MPDZ: variants seen among roughly 807,000 people sequenced by gnomAD.
MPDZ encodes the protein multiple PDZ domain protein.
MPDZ carries 234 observed loss-of-function variants against 239.1 expected under a neutral mutation model. That is an observed-to-expected ratio of 0.98 (90% CI 0.88 to 1.09). MPDZ has a LOEUF of 1.09. MPDZ is among the 50% of genes least tolerant of loss of function. The pLI, the probability that MPDZ is intolerant of heterozygous loss-of-function variation, is 0.00. For synonymous variants in MPDZ, 1,048 were observed against 881.3 expected (o/e 1.19, Z -3.35); for missense variants, 3,175 against 2,510.0 (o/e 1.26, Z -5.66).
At chr9:13,163,948 GAC>G (rs1400327588) in intron 22 of MPDZ, among the ~76,000 whole-genome samples, 10 of 152,154 alleles carry the variant, frequency 6.6e-5, no homozygotes, top group Admixed American at 6.6e-4. Flanking sequence ...GGAGTCGGAA[GAC>G]ACAGTTCTGC....
At chr9:13,170,697 A>G (rs191081101) in intron 21 of MPDZ, among the ~76,000 whole-genome samples, 1 of 152,316 alleles carries the variant, frequency 6.6e-6, no homozygotes, top group Non-Finnish European at 1.5e-5. Context: ...CAAGACACAG[A>G]CATGGAACCT....
At chr9:13,237,144 C>T (rs7047484) in intron 3 of MPDZ, among the ~76,000 whole-genome samples, 148,032 of 152,122 alleles carry the variant, frequency 0.97, 72,140 homozygotes, top group Middle Eastern at 1. Flanking sequence ...ATATTCCATG[C>T]TTCAAAATGG....
At chr9:13,271,014 C>A (rs1425099440) in intron 1 of MPDZ, among the ~76,000 whole-genome samples, 2 of 152,142 alleles carry the variant, frequency 1.3e-5, no homozygotes, top group African/African-American at 4.8e-5. Context: ...GGGTTCAATA[C>A]TGAAACTACT....
chr9:13,201,808 A>T (rs1180730307), intron 12 of MPDZ, among the ~76,000 whole-genome samples: 1 of 152,138 alleles, frequency 6.6e-6, no homozygotes, highest in African/African-American at 2.4e-5. Context: ...AGATAAAAAT[A>T]AAAGATACAG....
intron 2 of MPDZ, among the ~76,000 whole-genome samples, chr9:13,249,385 T>C (rs1242708744): frequency 6.6e-6 from 1 of 152,184 alleles, no homozygotes; most frequent in Non-Finnish European, 1.5e-5. Context: ...CTTTCCTATG[T>C]GGACTAGTAG....
At chr9:13,230,757 G>C (rs1962177900) in intron 3 of MPDZ, among the ~76,000 whole-genome samples, 2 of 151,932 alleles carry the variant, frequency 1.3e-5, no homozygotes, top group Admixed American at 1.3e-4. Flanking sequence ...CAGAGGGAGA[G>C]GAGGGAAACG....
intron 1 of MPDZ, among the ~76,000 whole-genome samples, chr9:13,251,209 G>A (rs1967922063): frequency 6.6e-6 from 1 of 151,438 alleles, no homozygotes; most frequent in Admixed American, 6.6e-5. Flanking sequence ...TGAACCACTG[G>A]AAGATAATAC....
chr9:13,225,817 T>C (rs1251858035), intron 3 of MPDZ, among the ~76,000 whole-genome samples: 8 of 152,062 alleles, frequency 5.3e-5, no homozygotes, highest in Non-Finnish European at 1.0e-4. Context: ...TCTATACATA[T>C]TGTCACACAT....
chr9:13,271,946 A>G (rs1001100312), intron 1 of MPDZ, among the ~76,000 whole-genome samples: 1 of 152,138 alleles, frequency 6.6e-6, no homozygotes, highest in Non-Finnish European at 1.5e-5. Flanking sequence ...AAACTAATCT[A>G]CAGTGACATA....
Position 13,190,318 on chromosome 9 carries a change from C to A in MPDZ, c.1969-19G>T. 1 of 1,496,492 alleles carries A rather than the reference C, an allele frequency of 6.7e-7. No homozygotes were observed. Among genetic ancestry groups the A allele is most frequent in the South Asian group, 1.5e-5 (1 of 67,898 alleles). 92.7% of individuals were successfully genotyped at this position (1,496,492 alleles called of 1,614,324 possible). A position where few individuals can be genotyped will look rare whatever the true frequency, so the allele number is the denominator to read the frequency against. ...CGTGAGGCTGGATAATATCAGACAG[C>A]TCTTATTTCAGAGGCATTGCATTAG... On this transcript the variant is annotated intron_variant, in intron 15 of 46. Transcript: ENST00000319217.
intron 27 of MPDZ, among the ~76,000 whole-genome samples, chr9:13,140,522 G>T (rs1947515977): frequency 6.7e-6 from 1 of 149,718 alleles, no homozygotes; most frequent in Admixed American, 6.7e-5. Context: ...TAGATAGATA[G>T]ATATGAAATA....
At chr9:13,199,052 C>T (rs1435900556) in intron 12 of MPDZ, among the ~76,000 whole-genome samples, 3 of 151,206 alleles carry the variant, frequency 2.0e-5, no homozygotes, top group Non-Finnish European at 2.9e-5. Context: ...TGAAGAATGC[C>T]ATTGGTATAT....
At chr9:13,194,954 A>G (rs1240067911) in intron 13 of MPDZ, among the ~76,000 whole-genome samples, 1 of 152,092 alleles carries the variant, frequency 6.6e-6, no homozygotes, top group Admixed American at 6.6e-5. Flanking sequence ...ATACTTACTC[A>G]ATTCATATTT....
At chr9:13,180,229 G>C (rs1563972096) in intron 19 of MPDZ, among the ~76,000 whole-genome samples, 1 of 152,104 alleles carries the variant, frequency 6.6e-6, no homozygotes, top group Non-Finnish European at 1.5e-5. Flanking sequence ...ATGACACTAA[G>C]TAATAATTTG....
chr9:13,111,040 A>G (rs939243400), intron 43 of MPDZ, among the ~76,000 whole-genome samples: 5 of 152,208 alleles, frequency 3.3e-5, no homozygotes, highest in African/African-American at 7.2e-5. Context: ...AAAAGAAAAA[A>G]AAATTCACTA....
chr9:13,244,022 A>G (rs1444854080), intron 3 of MPDZ, among the ~76,000 whole-genome samples: 1 of 152,216 alleles, frequency 6.6e-6, no homozygotes, highest in East Asian at 1.9e-4. Flanking sequence ...CTGTTGCCAT[A>G]GCTTTAAAAA....
chr9:13,226,980 A>AT (rs746974642), intron 3 of MPDZ, among the ~76,000 whole-genome samples: 1 of 151,986 alleles, frequency 6.6e-6, no homozygotes, highest in Admixed American at 6.6e-5. Flanking sequence ...TGTGACCTAG[A>AT]TTTTTTTTCA....
intron 28 of MPDZ, among the ~76,000 whole-genome samples, chr9:13,139,121 G>A (rs1340227133): frequency 6.6e-6 from 1 of 152,118 alleles, no homozygotes; most frequent in East Asian, 1.9e-4. Flanking sequence ...TATGGCTAAT[G>A]GGCCAATGCC....
intron 24 of MPDZ, among the ~76,000 whole-genome samples, chr9:13,153,865 G>T (rs1949504388): frequency 6.6e-6 from 1 of 152,066 alleles, no homozygotes; most frequent in Non-Finnish European, 1.5e-5. Context: ...GGCTCTTTAT[G>T]TTTGGTGCAA....
Sources: gnomAD v4.1 joint callset for allele counts (sites outside exome capture counted in the v4.1 genomes callset) on GRCh38, gnomAD v4.1.1 for gene constraint, MANE v1.5 for transcripts, NCBI Gene and HGNC (gene_info 2026-07-23, HGNC 2026-07-21) for gene names.